Variants in ZNF385D observed in about 807,000 individuals in gnomAD.
The protein encoded by ZNF385D is zinc finger protein 385D.
ZNF385D carries 15 observed loss-of-function variants against 35.8 expected under a neutral mutation model. The ratio of observed to expected loss-of-function variants is 0.42; its 90% CI spans 0.28 to 0.64. ZNF385D has a LOEUF of 0.64. Among genes scored for constraint, ZNF385D ranks in the 30% least tolerant of loss-of-function variants. ZNF385D has a pLI of 0.23. For missense variants in ZNF385D, 474 were observed against 494.6 expected, an observed-to-expected ratio of 0.96 and a Z score of 0.39; for synonymous variants, 212 against 186.8, an observed-to-expected ratio of 1.13 and a Z score of -1.10.
At position 22,045,250 on chromosome 3, in the gene ZNF385D, A is replaced by G. The variant is rs530100146; in HGVS notation, c.325+123567T>C. The stretch of plus-strand genomic sequence containing the variant: ...GGTCTTATATTTAAGTCTTTGATCC[A>G]TTTGAGTTGATTTTTCAATGGGGTG... On this transcript the variant is annotated intron_variant, in intron 3 of 5. Transcript: ENST00000494108. Among the ~76,000 whole-genome samples the G allele has an allele frequency of 9.3e-4, 142 of 152,198 alleles. 1 individual carries two copies. The highest frequency in any genetic ancestry group is 3.3e-3 in the Admixed American group (50 of 15,270).
At chr3:21,609,131 G>A (rs529995913) in intron 2 of ZNF385D, among the ~76,000 whole-genome samples, 2 of 152,180 alleles carry the variant, frequency 1.3e-5, no homozygotes, top group South Asian at 2.1e-4. Flanking sequence ...CCCATATCCC[G>A]AAGTAGGCAT....
intron 2 of ZNF385D, among the ~76,000 whole-genome samples, chr3:21,617,683 C>T (rs902515979): frequency 6.6e-6 from 1 of 152,126 alleles, no homozygotes; most frequent in Non-Finnish European, 1.5e-5. Context: ...TTGGCCACTC[C>T]ATTATATGGC....
At chr3:21,828,313 G>A (rs962896843) in intron 3 of ZNF385D, among the ~76,000 whole-genome samples, 5 of 152,166 alleles carry the variant, frequency 3.3e-5, no homozygotes, top group Admixed American at 3.3e-4. Context: ...AGGGAAATAG[G>A]TGTTCATAGC....
chr3:22,080,096 G>C (rs1004826428), intron 3 of ZNF385D, among the ~76,000 whole-genome samples: 2 of 152,092 alleles, frequency 1.3e-5, no homozygotes, highest in East Asian at 3.8e-4. Context: ...CGTTTTATAA[G>C]ATGTTTTTGC....
At chr3:21,779,946 TC>T (rs2071427000) in intron 3 of ZNF385D, among the ~76,000 whole-genome samples, 1 of 151,956 alleles carries the variant, frequency 6.6e-6, no homozygotes. Flanking sequence ...AAATTCTGTC[TC>T]CAAATGTAAT....
intron 3 of ZNF385D, among the ~76,000 whole-genome samples, chr3:21,943,782 T>C (rs1051780468): frequency 2.0e-5 from 3 of 152,156 alleles, no homozygotes; most frequent in Admixed American, 6.6e-5. Flanking sequence ...TGAACAGTAA[T>C]TTAGTCCTGG....
At chr3:21,470,112 C>T (rs772636422) in intron 4 of ZNF385D, among the ~76,000 whole-genome samples, 2 of 152,178 alleles carry the variant, frequency 1.3e-5, no homozygotes, top group Non-Finnish European at 2.9e-5. Context: ...AAAAGTACAA[C>T]TTCATTGAAT....
chr3:22,371,092 A>G (rs1273883160), intron 2 of ZNF385D, among the ~76,000 whole-genome samples: 2 of 152,244 alleles, frequency 1.3e-5, no homozygotes, highest in Non-Finnish European at 2.9e-5. Context: ...AAGCCCGGAC[A>G]TGCTGTGTTG....
At chr3:21,563,859 AT>A (rs910181873) in intron 3 of ZNF385D, among the ~76,000 whole-genome samples, 9 of 151,490 alleles carry the variant, frequency 5.9e-5, no homozygotes, top group African/African-American at 1.5e-4. Flanking sequence ...GAAGACATAC[AT>A]TTTTTTTTCC....
At chr3:22,321,164 GTT>G in intron 2 of ZNF385D, among the ~76,000 whole-genome samples, 11 of 76,148 alleles carry the variant, frequency 1.4e-4, no homozygotes, top group African/African-American at 4.5e-4. Context: ...TTATGACCTT[GTT>G]TTTTTTTTTT....
intron 1 of ZNF385D, among the ~76,000 whole-genome samples, chr3:21,694,700 C>A (rs1335973993): frequency 1.3e-5 from 2 of 152,080 alleles, no homozygotes; most frequent in Admixed American, 6.5e-5. Flanking sequence ...CTTGGGTGTT[C>A]GAACATGTGA....
At chr3:21,584,025 G>GTC (rs2063742651) in intron 2 of ZNF385D, among the ~76,000 whole-genome samples, 1 of 150,920 alleles carries the variant, frequency 6.6e-6, no homozygotes, top group African/African-American at 2.4e-5. Flanking sequence ...CCAGGCTGGA[G>GTC]TGCGATGGCG....
chr3:22,288,513 T>C (rs1035078376), intron 2 of ZNF385D, among the ~76,000 whole-genome samples: 1 of 152,104 alleles, frequency 6.6e-6, no homozygotes, highest in African/African-American at 2.4e-5. Context: ...GCTTAATCCA[T>C]CCTGCATTAG....
chr3:21,441,887 A>C (rs1336047627), intron 4 of ZNF385D: 4 of 261,212 alleles, frequency 1.5e-5, no homozygotes, highest in Non-Finnish European at 2.4e-5. Context: ...AAATTCAGTG[A>C]GAAGAGAAAG....
At chr3:22,165,422 T>C (rs1004508798) in intron 3 of ZNF385D, among the ~76,000 whole-genome samples, 9 of 152,190 alleles carry the variant, frequency 5.9e-5, no homozygotes, top group African/African-American at 2.2e-4. Flanking sequence ...TTATGGGAGC[T>C]GATCAGTTGC....
At chr3:21,473,432 C>A (rs138402298) in intron 4 of ZNF385D, among the ~76,000 whole-genome samples, 1 of 152,154 alleles carries the variant, frequency 6.6e-6, no homozygotes, top group East Asian at 1.9e-4. Flanking sequence ...CCTTTTCTGG[C>A]AAATAGTATC....
intron 3 of ZNF385D, among the ~76,000 whole-genome samples, chr3:21,952,765 TA>T (rs1702120782): frequency 2.6e-5 from 4 of 151,986 alleles, no homozygotes; most frequent in Non-Finnish European, 4.4e-5. Flanking sequence ...TATAAAAATG[TA>T]ACTGCTACTT....
At chr3:21,821,223 T>A (rs1694201662) in intron 3 of ZNF385D, among the ~76,000 whole-genome samples, 1 of 151,958 alleles carries the variant, frequency 6.6e-6, no homozygotes, top group Non-Finnish European at 1.5e-5. Flanking sequence ...ACTCATAAAT[T>A]TAGATGAAAA....
intron 2 of ZNF385D, among the ~76,000 whole-genome samples, chr3:22,312,967 G>A (rs1177533576): frequency 6.7e-6 from 1 of 148,928 alleles, no homozygotes; most frequent in Non-Finnish European, 1.5e-5. Flanking sequence ...GTTTATTGCA[G>A]CACTATTCAC....
Sources: gnomAD v4.1 joint callset for allele counts (sites outside exome capture counted in the v4.1 genomes callset) on GRCh38, gnomAD v4.1.1 for gene constraint, MANE v1.5 for transcripts, NCBI Gene and HGNC (gene_info 2026-07-23, HGNC 2026-07-21) for gene names.